Variants in UGP2 observed in about 807,000 individuals in gnomAD.
UGP2 encodes the protein UDP-glucose pyrophosphorylase 2.
A neutral mutation model predicts 49.0 loss-of-function variants in UGP2; 40 were observed. The ratio of observed to expected loss-of-function variants is 0.82; its 90% CI spans 0.63 to 1.06. The LOEUF is 1.06. Among genes scored for constraint, UGP2 ranks in the 50% least tolerant of loss-of-function variants. UGP2 has a pLI of 0.00. For missense variants in UGP2, 460 were observed against 603.5 expected, an observed-to-expected ratio of 0.76 and a Z score of 2.49; for synonymous variants, 225 against 213.0, an observed-to-expected ratio of 1.06 and a Z score of -0.49.
At chr2:63,881,698 AGATT>A (rs1456125614) in intron 3 of UGP2, among the ~76,000 whole-genome samples, 3 of 152,204 alleles carry the variant, frequency 2.0e-5, no homozygotes, top group Non-Finnish European at 4.4e-5. Context: ...GAGAAGTTAT[AGATT>A]AAGGCCCTCT....
chr2:63,880,154 C>G (rs1480619342), intron 3 of UGP2, among the ~76,000 whole-genome samples: 1 of 142,392 alleles, frequency 7.0e-6, no homozygotes, highest in Non-Finnish European at 1.5e-5. Context: ...TCTCCCCTCT[C>G]CCCTTCCCCC....
rs1669556985 is a variant in UGP2, at chr2:63,857,921, A to G, written c.240A>G (p.Arg80=). The G allele has an allele frequency of 1.2e-6, 2 of 1,613,582 alleles. No individual in the cohort carries two copies. Among genetic ancestry groups the G allele is most frequent in the Non-Finnish European group, 1.7e-6 (2 of 1,179,882 alleles). The change falls in exon 3 of 10, where the codon AGA becomes AGG. Residue 80 remains arginine, a synonymous_variant. Coordinates refer to ENST00000337130, the MANE Select transcript of UGP2 (RefSeq NM_006759.4). The stretch of plus-strand genomic sequence containing the variant: ...CTGTGGATTGGGGAAAAATCCAGAG[A>G]CCCCCTGAAGATTCGGTAAGTTTTA... The part of the protein sequence containing the change: ...GPSVDWGKIQ[R]PPEDSIQPYE...
At position 63,842,567 on chromosome 2, in the gene UGP2, G is replaced by T. The variant is rs1299787354; in HGVS notation, c.19+363G>T. 2.0e-6 allele frequency: 3 copies of T among 1,503,340 alleles called. No homozygotes were observed. In the Admixed American group the frequency reaches 6.2e-5, roughly 31 times the overall value. The allele number at this position is 1,503,340 out of a possible 1,614,324, so 93.1% of individuals were successfully genotyped here. A position where few individuals can be genotyped will look rare whatever the true frequency, so the allele number is the denominator to read the frequency against. ...CCTGTGCGTGCACGCAGACGGGAAG[G>T]GCTGGGGAAGCGGGAGGACTGAGAA... On this transcript the variant is annotated intron_variant, in intron 1 of 9. Coordinates refer to ENST00000337130, the MANE Select transcript of UGP2 (RefSeq NM_006759.4).
At chr2:63,868,928 G>A (rs1035201574) in intron 3 of UGP2, among the ~76,000 whole-genome samples, 9 of 151,330 alleles carry the variant, frequency 5.9e-5, no homozygotes, top group East Asian at 1.9e-4. Flanking sequence ...TCACGCCATC[G>A]CACTCTAGCC....
chr2:63,856,676 A>G (rs1397317970), intron 2 of UGP2: 1 of 517,334 alleles, frequency 1.9e-6, no homozygotes, highest in Non-Finnish European at 3.6e-6. Flanking sequence ...AATAATCAGA[A>G]CCAAATTATA....
intron 3 of UGP2, among the ~76,000 whole-genome samples, chr2:63,880,793 G>A (rs1671250389): frequency 6.6e-6 from 1 of 151,862 alleles, no homozygotes; most frequent in Non-Finnish European, 1.5e-5. Context: ...GATCAGTGTG[G>A]TCTGCAGCCA....
In UGP2 at chr2:63,867,376, G is replaced by A. The variant is rs183067131; in HGVS notation, c.255+9440G>A. Among the ~76,000 whole-genome samples, 6 of 152,154 alleles carry A rather than the reference G, an allele frequency of 3.9e-5. No homozygotes were observed. The East Asian group carries it at 1.2e-3, about 29-fold the overall frequency. ...AGTTATTTAACTGCTTTAAGTGTCGGTTTCCTTACTCATAAAAAGTAGAAA... is the reference window on the plus strand; with the variant it reads ...AGTTATTTAACTGCTTTAAGTGTCGATTTCCTTACTCATAAAAAGTAGAAA... On this transcript the variant is annotated intron_variant, in intron 3 of 9. Transcript: ENST00000337130.
At chr2:63,847,733 G>A (rs973199086) in intron 1 of UGP2, among the ~76,000 whole-genome samples, 5 of 152,198 alleles carry the variant, frequency 3.3e-5, no homozygotes, top group African/African-American at 1.2e-4. Flanking sequence ...ACAAGGTAAT[G>A]TCATCAGTTA....
At chr2:63,842,435 C>T in intron 1 of UGP2, 3 of 1,558,264 alleles carry the variant, frequency 1.9e-6, no homozygotes, top group Non-Finnish European at 2.6e-6. Context: ...TCCCTGAAAT[C>T]AGGTTAGTAG....
intron 8 of UGP2, 21 bp downstream of exon 8, chr2:63,887,665 G>GT (rs759774042): frequency 3.1e-6 from 5 of 1,609,804 alleles, no homozygotes; most frequent in Non-Finnish European, 4.2e-6. Context: ...ATAAAGATAT[G>GT]TGAGTTCATA....
intron 3 of UGP2, among the ~76,000 whole-genome samples, chr2:63,878,649 C>T (rs1671085822): frequency 6.6e-6 from 1 of 152,110 alleles, no homozygotes; most frequent in African/African-American, 2.4e-5. Context: ...TTTGTGTAGC[C>T]TCTCAGGCTC....
chr2:63,856,349 A>G lies in UGP2; in HGVS notation c.63A>G (p.Gln21=), dbSNP rs546956108. 1.9e-6 allele frequency: 3 copies of G among 1,614,050 alleles called. No individual in the cohort carries two copies. Among genetic ancestry groups the G allele is most frequent in the African/African-American group, 2.7e-5 (2 of 75,046 alleles). The part of the protein sequence containing the change: ...AMSQDGASQF[Q]EVIRQELELS... ...CTCAAGATGGTGCTTCTCAGTTCCAAGAAGTCATTCGGCAAGAGCTAGAAT... is the reference window on the plus strand; with the variant it reads ...CTCAAGATGGTGCTTCTCAGTTCCAGGAAGTCATTCGGCAAGAGCTAGAAT... Residue 21 remains glutamine (Q), a synonymous_variant, in exon 2 of 10, where the codon CAA becomes CAG. Transcript: ENST00000337130.
At chr2:63,847,677 C>A (rs1282559532) in intron 1 of UGP2, among the ~76,000 whole-genome samples, 2 of 151,978 alleles carry the variant, frequency 1.3e-5, no homozygotes, top group South Asian at 2.1e-4. Context: ...ACAAGGTGCT[C>A]AGTTGGGGTG....
At chr2:63,849,556 G>A (rs940484570) in intron 1 of UGP2, among the ~76,000 whole-genome samples, 9 of 152,304 alleles carry the variant, frequency 5.9e-5, no homozygotes, top group Non-Finnish European at 2.9e-5. Flanking sequence ...ACAACACAGT[G>A]TATAAGGAAG....
chr2:63,856,779 C>G, intron 2 of UGP2: 1 of 464,718 alleles, frequency 2.2e-6, no homozygotes, highest in South Asian at 1.5e-5. Flanking sequence ...TCCTGCATGC[C>G]TTTTCCAGAG....
At chr2:63,864,348 C>T (rs1166843691) in intron 3 of UGP2, among the ~76,000 whole-genome samples, 2 of 152,146 alleles carry the variant, frequency 1.3e-5, no homozygotes, top group Non-Finnish European at 2.9e-5. Flanking sequence ...CCTGTAGTAA[C>T]AACAAGGAGT....
In UGP2 at chr2:63,891,477, C is replaced by CAACTT. The variant is rs1428124469; in HGVS notation, c.*251_*255dup. 1.4e-5 allele frequency: 4 copies of CAACTT among 284,412 alleles called. No individual in the cohort carries two copies. The highest frequency in any genetic ancestry group is 2.6e-5 in the Non-Finnish European group (4 of 153,556). 17.6% of individuals were successfully genotyped at this position (284,412 alleles called of 1,614,324 possible). On this transcript the variant is annotated 3_prime_UTR_variant, in exon 10 of 10. Coordinates refer to ENST00000337130, the MANE Select transcript of UGP2 (RefSeq NM_006759.4). ...AATATTGTTTAATCTTAAAACTGGGCAACTTTGGAAGAACTTTTAACAGAA... is the reference window on the plus strand; with the variant it reads ...AATATTGTTTAATCTTAAAACTGGGCAACTTAACTTTGGAAGAACTTTTAACAGAA...
At chr2:63,863,856 G>A (rs1313571134) in intron 3 of UGP2, among the ~76,000 whole-genome samples, 1 of 152,152 alleles carries the variant, frequency 6.6e-6, no homozygotes, top group Non-Finnish European at 1.5e-5. Context: ...GAATACCTGT[G>A]ACTAGACTAA....
rs773713831 is a variant in UGP2 at position 63,891,188 on chromosome 2, C to T, written c.1488C>T (p.Asn496=). The change falls in exon 10 of 10, where the codon AAC becomes AAT. Residue 496 remains asparagine, a synonymous_variant. Transcript: ENST00000337130. ...TCCCACCTGGAGCAGTATTAGAGAACAAGATTGTGTCTGGAAACCTTCGCA... is the reference window on the plus strand; with the variant it reads ...TCCCACCTGGAGCAGTATTAGAGAATAAGATTGTGTCTGGAAACCTTCGCA... The part of the protein sequence containing the change: ...IDIPPGAVLE[N]KIVSGNLRIL... 59 of 1,613,626 alleles carry T rather than the reference C, an allele frequency of 3.7e-5. No homozygotes were observed. Among genetic ancestry groups the T allele is most frequent in the Non-Finnish European group, 4.8e-5 (57 of 1,179,846 alleles).
Sources: allele counts gnomAD v4.1 joint callset (sites outside exome capture counted in the v4.1 genomes callset), GRCh38; gene constraint gnomAD v4.1.1; transcripts MANE v1.5; gene names NCBI Gene and HGNC (gene_info 2026-07-23, HGNC 2026-07-21).